PPP1R9A: variants seen among roughly 807,000 people sequenced by gnomAD.
PPP1R9A encodes neurabin-1.
Under a neutral mutation model 141.9 loss-of-function variants are expected in PPP1R9A, and 59 were observed. That is an observed-to-expected ratio of 0.42 (90% CI 0.34 to 0.52). The LOEUF is 0.52. Ranked by LOEUF, PPP1R9A falls within the 20% of genes least tolerant of loss-of-function variation. The pLI, the probability that PPP1R9A is intolerant of heterozygous loss-of-function variation, is 0.10. For synonymous variants in PPP1R9A, 500 were observed against 569.7 expected (o/e 0.88, Z 1.74); for missense variants, 1,444 against 1,611.9 (o/e 0.90, Z 1.78).
At chr7:95,066,538 A>G (rs1001306180) in intron 2 of PPP1R9A, among the ~76,000 whole-genome samples, 16 of 152,348 alleles carry the variant, frequency 1.1e-4, no homozygotes, top group Admixed American at 9.2e-4. Flanking sequence ...AAGATACTAT[A>G]TGTAGAAGGA....
At chr7:94,999,856 C>T (rs906877346) in intron 2 of PPP1R9A, among the ~76,000 whole-genome samples, 3 of 151,714 alleles carry the variant, frequency 2.0e-5, no homozygotes, top group East Asian at 1.9e-4. Flanking sequence ...GGCTGGAGTG[C>T]AGTGGCATGA....
chr7:94,947,283 T>C (rs994946618), intron 2 of PPP1R9A, among the ~76,000 whole-genome samples: 1 of 152,124 alleles, frequency 6.6e-6, no homozygotes, highest in Non-Finnish European at 1.5e-5. Context: ...AGCTCCAGAA[T>C]TGCTGCCTCT....
rs564592743 is a variant in PPP1R9A at position 94,930,441 on chromosome 7, G to A, written c.1395+18933G>A. Among the ~76,000 whole-genome samples the A allele has an allele frequency of 3.7e-4, 56 of 152,188 alleles. 2 individuals are homozygous for A. In the South Asian group the frequency reaches 0.011, roughly 31 times the overall value. The stretch of plus-strand genomic sequence containing the variant: ...CAACCTCTGCCTCCCAGGTTCAAGC[G>A]ATTCTCCTGCCTCAGCCTCCCAAGT... On this transcript the variant is annotated intron_variant, in intron 2 of 19. Coordinates refer to ENST00000433360, the MANE Select transcript of PPP1R9A (RefSeq NM_001166160.2).
At chr7:95,133,500 T>C (rs1295682463) in intron 4 of PPP1R9A, among the ~76,000 whole-genome samples, 1 of 127,732 alleles carries the variant, frequency 7.8e-6, no homozygotes, top group Admixed American at 9.3e-5. Flanking sequence ...TAAGGATATA[T>C]TATGCAGTCG....
At chr7:94,969,860 TAG>T (rs1362813714) in intron 2 of PPP1R9A, among the ~76,000 whole-genome samples, 1 of 152,140 alleles carries the variant, frequency 6.6e-6, no homozygotes, top group East Asian at 1.9e-4. Context: ...AGGAGGAATG[TAG>T]AGAGTCAGTC....
intron 16 of PPP1R9A, among the ~76,000 whole-genome samples, chr7:95,279,127 A>G (rs1803693792): frequency 6.6e-6 from 1 of 152,186 alleles, no homozygotes; most frequent in African/African-American, 2.4e-5. Context: ...GACTTTTGTT[A>G]TATCTTGAAG....
chr7:95,168,645 C>G (rs2152741279), intron 5 of PPP1R9A, among the ~76,000 whole-genome samples: 1 of 151,850 alleles, frequency 6.6e-6, no homozygotes, highest in East Asian at 1.9e-4. Flanking sequence ...ATTTGTTCAA[C>G]AAGATTCTAA....
intron 5 of PPP1R9A, among the ~76,000 whole-genome samples, chr7:95,168,457 G>C (rs1430364965): frequency 6.6e-6 from 1 of 151,730 alleles, no homozygotes; most frequent in Non-Finnish European, 1.5e-5. Context: ...GAAGCATAGA[G>C]GAAACACTTC....
chr7:95,074,470 T>C (rs545317261), intron 2 of PPP1R9A, among the ~76,000 whole-genome samples: 3 of 113,052 alleles, frequency 2.7e-5, no homozygotes, highest in Non-Finnish European at 5.8e-5. Flanking sequence ...TTTTTGTTTT[T>C]TTTTTTTTTG....
chr7:95,265,295 G>T (rs1801110048), intron 12 of PPP1R9A, among the ~76,000 whole-genome samples: 1 of 152,186 alleles, frequency 6.6e-6, no homozygotes, highest in South Asian at 2.1e-4. Flanking sequence ...TCCAGAAGGA[G>T]AATAGGCTTC....
At chr7:95,278,609 ACTC>A (rs1252358611) in intron 16 of PPP1R9A, among the ~76,000 whole-genome samples, 1 of 151,976 alleles carries the variant, frequency 6.6e-6, no homozygotes, top group Non-Finnish European at 1.5e-5. Flanking sequence ...TTTATATTCT[ACTC>A]CTCGTTATTC....
chr7:95,006,704 A>G (rs142505743), intron 2 of PPP1R9A, among the ~76,000 whole-genome samples: 204 of 152,286 alleles, frequency 1.3e-3, no homozygotes, highest in Non-Finnish European at 2.4e-3. Flanking sequence ...CATTCTAATT[A>G]TAAAGAGTAC....
intron 2 of PPP1R9A, among the ~76,000 whole-genome samples, chr7:95,089,547 T>C (rs1422598842): frequency 2.0e-5 from 3 of 152,030 alleles, no homozygotes; most frequent in Non-Finnish European, 4.4e-5. Context: ...GATCTCATAG[T>C]TAACTGCTTT....
At chr7:95,171,101 C>T (rs941875066) in intron 5 of PPP1R9A, among the ~76,000 whole-genome samples, 11 of 151,050 alleles carry the variant, frequency 7.3e-5, no homozygotes, top group African/African-American at 2.7e-4. Context: ...AAGAGTTATA[C>T]AACAAGGATA....
chr7:94,932,076 G>A (rs140117005), intron 2 of PPP1R9A, among the ~76,000 whole-genome samples: 17 of 152,320 alleles, frequency 1.1e-4, no homozygotes, highest in Non-Finnish European at 2.1e-4. Context: ...TTAAAGACAA[G>A]TTTAGTTTTC....
intron 2 of PPP1R9A, among the ~76,000 whole-genome samples, chr7:95,008,435 G>A (rs1322644545): frequency 6.6e-6 from 1 of 152,084 alleles, no homozygotes; most frequent in Admixed American, 6.6e-5. Context: ...CCTTATTGTG[G>A]GATTCTGTTT....
intron 3 of PPP1R9A, among the ~76,000 whole-genome samples, chr7:95,113,880 A>G (rs950731898): frequency 1.3e-5 from 2 of 152,216 alleles, no homozygotes; most frequent in South Asian, 2.1e-4. Context: ...TAAACATACA[A>G]TTGCTTAAAT....
chr7:95,125,230 C>T (rs1031124131), intron 4 of PPP1R9A, among the ~76,000 whole-genome samples: 3 of 152,128 alleles, frequency 2.0e-5, no homozygotes, highest in Non-Finnish European at 4.4e-5. Flanking sequence ...AACTCCCCAC[C>T]TCAGCCTCCC....
At chr7:95,079,296 A>G (rs1815389725) in intron 2 of PPP1R9A, among the ~76,000 whole-genome samples, 1 of 152,110 alleles carries the variant, frequency 6.6e-6, no homozygotes, top group South Asian at 2.1e-4. Flanking sequence ...AGTTGTAGAT[A>G]TGCGGCATTA....
Sources: gnomAD v4.1 joint callset for allele counts (sites outside exome capture counted in the v4.1 genomes callset) on GRCh38, gnomAD v4.1.1 for gene constraint, MANE v1.5 for transcripts, NCBI Gene and HGNC (gene_info 2026-07-23, HGNC 2026-07-21) for gene names.